The following UMAD1 variants were observed in gnomAD, a reference collection of about 807,000 sequenced individuals.
UMAD1 encodes the protein UBAP1-MVB12-associated (UMA)-domain containing protein 1.
A neutral mutation model predicts 6.1 loss-of-function variants in UMAD1; 8 were observed. The ratio of observed to expected loss-of-function variants is 1.30; its 90% CI spans 0.76 to 2.35. The LOEUF (loss-of-function observed/expected upper bound fraction) is 2.35, where lower values mean the gene tolerates loss of function less well. UMAD1 is among the 30% of genes most tolerant of loss of function. The pLI, the probability that UMAD1 is intolerant of heterozygous loss-of-function variation, is 0.00. For synonymous variants in UMAD1, 56 were observed against 31.4 expected (o/e 1.78, Z -2.61); for missense variants, 130 against 78.4 (o/e 1.66, Z -2.49).
intron 1 of UMAD1, among the ~76,000 whole-genome samples, chr7:7,670,885 C>G (rs926375156): frequency 5.3e-5 from 8 of 152,148 alleles, no homozygotes; most frequent in Admixed American, 3.9e-4. Context: ...ATCTTGGGCC[C>G]AAGAATGTTC....
rs114284994 is a variant in UMAD1, at chr7:7,780,746, A to C, written c.83-20924A>C. Among the ~76,000 whole-genome samples, 681 of 152,266 alleles carry C rather than the reference A, an allele frequency of 4.5e-3. 9 individuals carry two copies. The highest frequency in any genetic ancestry group is 0.016 in the African/African-American group (652 of 41,554). On this transcript the variant is annotated intron_variant, in intron 2 of 3. Coordinates refer to ENST00000682710, the MANE Select transcript of UMAD1 (RefSeq NM_001302348.2). Reference sequence around the variant, plus strand: ...ACCTTTTCTGTGTCTCACTTCTTTCACTAAAGATTATGATGTTTGTGAGAT... The same window carrying C: ...ACCTTTTCTGTGTCTCACTTCTTTCCCTAAAGATTATGATGTTTGTGAGAT...
At chr7:7,718,190 AAAT>A (rs1193063332) in intron 2 of UMAD1, among the ~76,000 whole-genome samples, 2 of 152,214 alleles carry the variant, frequency 1.3e-5, no homozygotes, top group Non-Finnish European at 2.9e-5. Context: ...TGATTTTTCC[AAAT>A]AATGTGTCAG....
chr7:7,837,464 GA>G (rs1783592268), intron 3 of UMAD1, among the ~76,000 whole-genome samples: 1 of 152,140 alleles, frequency 6.6e-6, no homozygotes, highest in Non-Finnish European at 1.5e-5. Context: ...CAACTCCGTA[GA>G]GAAGTGATTA....
intron 1 of UMAD1, among the ~76,000 whole-genome samples, chr7:7,644,937 A>G (rs559493932): frequency 1.3e-5 from 2 of 152,328 alleles, no homozygotes; most frequent in Non-Finnish European, 2.9e-5. Context: ...AACTCTTACT[A>G]TCCTTGAGCC....
chr7:7,685,520 G>A (rs1237585166), intron 2 of UMAD1, among the ~76,000 whole-genome samples: 1 of 152,048 alleles, frequency 6.6e-6, no homozygotes, highest in African/African-American at 2.4e-5. Flanking sequence ...CTTTGGCCAG[G>A]ATGGTCTCCA....
At chr7:7,742,688 T>C in intron 2 of UMAD1, 1 of 238,788 alleles carries the variant, frequency 4.2e-6, no homozygotes, top group Non-Finnish European at 8.4e-6. Context: ...AAAATAAATA[T>C]GAATAATCAA....
intron 1 of UMAD1, among the ~76,000 whole-genome samples, 161 bp from the exon 2 acceptor site, chr7:7,673,148 C>T (rs972822483): frequency 2.6e-5 from 4 of 152,182 alleles, no homozygotes; most frequent in African/African-American, 9.7e-5. Flanking sequence ...CATTTTCTAG[C>T]TTTGTCGGCT....
Position 7,766,756 on chromosome 7 carries a change from C to G in UMAD1, c.83-34914C>G, listed in dbSNP as rs144321379. Among the ~76,000 whole-genome samples the G allele has an allele frequency of 1.0e-3, 156 of 152,270 alleles. 1 individual carries two copies. The East Asian group carries it at 0.024, about 23-fold the overall frequency. ...ATTTAAATATATATGTAATTTCCTA[C>G]AAATGTGTACTTGTTTATCTAAGAT... is the stretch of plus-strand genomic sequence containing the variant. On this transcript the variant is annotated intron_variant, in intron 2 of 3. Transcript: ENST00000682710.
intron 2 of UMAD1, among the ~76,000 whole-genome samples, chr7:7,798,538 C>T (rs1782732897): frequency 6.6e-6 from 1 of 152,150 alleles, no homozygotes; most frequent in South Asian, 2.1e-4. Context: ...GGGAAGAAAA[C>T]AGATAATCTA....
chr7:7,745,656 A>G (rs1249688753), intron 2 of UMAD1, among the ~76,000 whole-genome samples: 2 of 152,210 alleles, frequency 1.3e-5, no homozygotes, highest in African/African-American at 2.4e-5. Flanking sequence ...TAAACCAAGG[A>G]GAGTTTATTT....
At chr7:7,814,378 C>G (rs1253478162) in intron 3 of UMAD1, among the ~76,000 whole-genome samples, 3 of 151,946 alleles carry the variant, frequency 2.0e-5, no homozygotes, top group African/African-American at 7.3e-5. Context: ...TTGTTTTTTC[C>G]CATTTTCCAT....
intron 3 of UMAD1, among the ~76,000 whole-genome samples, chr7:7,866,446 T>C (rs1164702224): frequency 6.6e-6 from 1 of 152,176 alleles, no homozygotes; most frequent in Non-Finnish European, 1.5e-5. Context: ...GGGAAGTCTT[T>C]CTAAAAGAGG....
chr7:7,847,871 G>A (rs1285138074), intron 3 of UMAD1, among the ~76,000 whole-genome samples: 2 of 152,066 alleles, frequency 1.3e-5, no homozygotes, highest in Admixed American at 6.6e-5. Context: ...TGCAAAAACC[G>A]AAACCATTAT....
At chr7:7,849,079 A>C (rs13241138) in intron 3 of UMAD1, among the ~76,000 whole-genome samples, 64,646 of 151,974 alleles carry the variant, frequency 0.43, 14,382 homozygotes, top group African/African-American at 0.48. Context: ...GACATGTTCA[A>C]ATTTCATTGT....
chr7:7,846,952 T>C (rs1783795817), intron 3 of UMAD1, among the ~76,000 whole-genome samples: 2 of 141,230 alleles, frequency 1.4e-5, no homozygotes. Flanking sequence ...ATATACCTAA[T>C]GCTAGATGAC....
At chr7:7,690,024 G>A (rs1396482785) in intron 2 of UMAD1, among the ~76,000 whole-genome samples, 1 of 152,054 alleles carries the variant, frequency 6.6e-6, no homozygotes, top group Non-Finnish European at 1.5e-5. Flanking sequence ...ATTCCACATT[G>A]TAATTTTTCC....
chr7:7,875,589 G>T (rs1161855047), intron 3 of UMAD1, among the ~76,000 whole-genome samples: 1 of 152,232 alleles, frequency 6.6e-6, no homozygotes, highest in African/African-American at 2.4e-5. Context: ...AGAAAATCTA[G>T]AAGAAATGGA....
chr7:7,739,137 CTTAGA>C (rs540687314), intron 2 of UMAD1, among the ~76,000 whole-genome samples: 157 of 152,174 alleles, frequency 1.0e-3, no homozygotes, highest in Non-Finnish European at 1.9e-3. Flanking sequence ...CTTTAAGTAG[CTTAGA>C]TTAATGTATT....
chr7:7,859,515 A>T (rs1451836659), intron 3 of UMAD1, among the ~76,000 whole-genome samples: 1 of 152,272 alleles, frequency 6.6e-6, no homozygotes, highest in South Asian at 2.1e-4. Flanking sequence ...AATTTTTACT[A>T]TTGCAGATTT....
Sources: allele counts gnomAD v4.1 joint callset (sites outside exome capture counted in the v4.1 genomes callset), GRCh38; gene constraint gnomAD v4.1.1; transcripts MANE v1.5; gene names NCBI Gene and HGNC (gene_info 2026-07-23, HGNC 2026-07-21).